The following UQCRH variants were observed in gnomAD, a reference collection of about 807,000 sequenced individuals.
UQCRH encodes the protein cytochrome b-c1 complex subunit 6, mitochondrial.
In UQCRH, 14 loss-of-function variants were observed where a neutral mutation model predicts 16.3. The ratio of observed to expected loss-of-function variants is 0.86; its 90% confidence interval spans 0.57 to 1.34. UQCRH has a LOEUF of 1.34. Among genes scored for constraint, UQCRH ranks in the 40% most tolerant of loss-of-function variants. The pLI is 0.00. For synonymous variants in UQCRH, 41 were observed against 41.9 expected, an observed-to-expected ratio of 0.98 and a Z score of 0.08; for missense variants, 89 against 111.9, an observed-to-expected ratio of 0.80 and a Z score of 0.92.
chr1:46,303,908 C>A lies in UQCRH; in HGVS notation c.54+88C>A. On this transcript the variant is annotated intron_variant, in intron 1 of 3. Transcript: ENST00000311672. ...AAACACGCACGGGGCCCTCTTAGCC[C>A]CCAGTTTACCCTCTAGGGTTTGCAT... 2.6e-6 allele frequency: 4 copies of A among 1,564,626 alleles called. No individual in the cohort carries two copies. The South Asian group carries it at 4.5e-5, about 18-fold the overall frequency.
Position 46,316,691 on chromosome 1 carries a change from A to T in UQCRH, c.*107A>T. On this transcript the variant is annotated 3_prime_UTR_variant, in exon 4 of 4. Coordinates refer to ENST00000311672, the MANE Select transcript of UQCRH (RefSeq NM_006004.4). The stretch of plus-strand genomic sequence containing the variant: ...CTTATTTGTGTAACTGTAAGTTCAC[A>T]TGAACCTCATGGGTTTGGCTTAGGC... The T allele has an allele frequency of 6.5e-7, 1 of 1,540,492 alleles. No individual in the cohort carries two copies. The highest frequency in any genetic ancestry group is 8.8e-7 in the Non-Finnish European group (1 of 1,133,358).
At position 46,310,642 on chromosome 1, in the gene UQCRH, A is replaced by AT. The variant is rs756679876; in HGVS notation, c.243+332dup. 9.7e-4 allele frequency among the ~76,000 whole-genome samples: 148 copies of AT among 151,868 alleles called. 2 individuals are homozygous for AT. Among genetic ancestry groups the AT allele is most frequent in the Non-Finnish European group, 1.9e-3 (129 of 67,916 alleles). On this transcript the variant is annotated intron_variant, in intron 3 of 3. Coordinates refer to ENST00000311672, the MANE Select transcript of UQCRH (RefSeq NM_006004.4). ...TGAGAGGCTAATTTTTTATTTTTTAATTTTTTCTAGTGACGGGGCCTTGTT... is the reference window on the plus strand; with the variant it reads ...TGAGAGGCTAATTTTTTATTTTTTAATTTTTTTCTAGTGACGGGGCCTTGTT...
chr1:46,308,315 C>T (rs1453325454), intron 1 of UQCRH, among the ~76,000 whole-genome samples: 2 of 152,172 alleles, frequency 1.3e-5, no homozygotes, highest in Admixed American at 1.3e-4. Context: ...AGTGTCTGAG[C>T]TCGTCAGGAG....
chr1:46,308,582 AT>A (rs2148334003), intron 1 of UQCRH, among the ~76,000 whole-genome samples: 1 of 152,308 alleles, frequency 6.6e-6, no homozygotes, highest in Non-Finnish European at 1.5e-5. Context: ...AATGCCTATA[AT>A]CCCACCACTT....
chr1:46,315,705 A>G (rs1461313044), intron 3 of UQCRH, among the ~76,000 whole-genome samples: 4 of 152,138 alleles, frequency 2.6e-5, no homozygotes, highest in Non-Finnish European at 4.4e-5. Flanking sequence ...TGAACATGCT[A>G]CAACCTGGAT....
intron 2 of UQCRH, 152 bp from the exon 3 acceptor site, chr1:46,310,003 T>C: frequency 6.7e-7 from 1 of 1,496,944 alleles, no homozygotes; most frequent in Non-Finnish European, 8.9e-7. Context: ...CATTCTGCCA[T>C]TTCTGGCGGC....
intron 3 of UQCRH, 99 bp downstream of exon 3, chr1:46,310,415 T>C (rs1164368840): frequency 6.5e-7 from 1 of 1,547,722 alleles, no homozygotes; most frequent in Non-Finnish European, 8.8e-7. Context: ...CATCAGTTAC[T>C]CTGGGCCCAA....
Position 46,310,298 on chromosome 1 carries a change from G to C in UQCRH, c.225G>C (p.Leu75Phe), listed in dbSNP as rs531150957. The C allele has an allele frequency of 6.2e-7, 1 of 1,614,104 alleles. No individual in the cohort carries two copies. The highest frequency in any genetic ancestry group is 2.2e-5 in the East Asian group (1 of 44,884). ...EDCTEELFDF[L>F]HARDHCVAHK... ...GCACGGAGGAGCTCTTTGACTTCTT[G>C]CATGCGAGGGACCATTGCGTAAGTC... is the stretch of plus-strand genomic sequence containing the variant. The change falls in exon 3 of 4, where the codon TTG becomes TTC. Residue 75 changes from leucine to phenylalanine, a missense_variant. Leu to Phe is a conservative substitution (Grantham distance 22). Coordinates refer to ENST00000311672, the MANE Select transcript of UQCRH (RefSeq NM_006004.4).
At chr1:46,310,598 C>G (rs1156702312) in intron 3 of UQCRH, among the ~76,000 whole-genome samples, 1 of 152,184 alleles carries the variant, frequency 6.6e-6, no homozygotes, top group African/African-American at 2.4e-5. Context: ...GTAGCTGGGA[C>G]TACAAGTGCA....
chr1:46,312,788 C>T (rs1345879050), intron 3 of UQCRH, among the ~76,000 whole-genome samples: 1 of 152,058 alleles, frequency 6.6e-6, no homozygotes, highest in Non-Finnish European at 1.5e-5. Context: ...ATAAATTATA[C>T]ATAAGCAAAG....
chr1:46,316,502 A>G (rs1661588464), intron 3 of UQCRH, 50 bp from the exon 4 acceptor site: 10 of 1,612,998 alleles, frequency 6.2e-6, no homozygotes, highest in Admixed American at 1.7e-5. Flanking sequence ...CTTGTAAGCC[A>G]TGACATTAAA....
chr1:46,311,053 C>T (rs1557724979), intron 3 of UQCRH, among the ~76,000 whole-genome samples: 2 of 148,444 alleles, frequency 1.3e-5, no homozygotes, highest in Non-Finnish European at 3.0e-5. Context: ...CTGGCCTGGG[C>T]GACAGAGCGA....
At chr1:46,305,676 G>A (rs1460660517) in intron 1 of UQCRH, among the ~76,000 whole-genome samples, 1 of 151,516 alleles carries the variant, frequency 6.6e-6, no homozygotes, top group Non-Finnish European at 1.5e-5. Flanking sequence ...GCGTCAACCC[G>A]AGAGGCGAAG....
intron 3 of UQCRH, among the ~76,000 whole-genome samples, chr1:46,310,555 C>T (rs1466758978): frequency 6.6e-6 from 1 of 152,172 alleles, no homozygotes; most frequent in African/African-American, 2.4e-5. Context: ...CCTTGAACTC[C>T]TGGGCCTAAG....
chr1:46,316,216 G>A (rs1011456370), intron 3 of UQCRH, among the ~76,000 whole-genome samples: 2 of 152,122 alleles, frequency 1.3e-5, no homozygotes, highest in African/African-American at 4.8e-5. Context: ...ACACTACCTG[G>A]CATATAGGAG....
At chr1:46,309,891 T>C (rs1661436605) in intron 2 of UQCRH, 3 of 1,383,662 alleles carry the variant, frequency 2.2e-6, no homozygotes, top group Non-Finnish European at 1.9e-6. Flanking sequence ...CCACCTTGTT[T>C]TTCAGATAGG....
Position 46,314,380 on chromosome 1 carries a change from A to G in UQCRH, c.244-2172A>G, listed in dbSNP as rs927391959. ...ACTCCGTCTCAAAAAAAAAAAAAAA[A>G]AGAGAAGGGGCTGGGCATAGCAGCT... On this transcript the variant is annotated intron_variant, in intron 3 of 3. Transcript: ENST00000311672. Among the ~76,000 whole-genome samples, 40 of 151,222 alleles carry G rather than the reference A, an allele frequency of 2.6e-4. 1 individual carries two copies. The South Asian group carries it at 5.0e-3, about 19-fold the overall frequency.
rs546438147 is a variant in UQCRH, at chr1:46,311,863, C to G, written c.243+1547C>G. ...CAAGATGGTCTCAGTCTCCTGACCC[C>G]TGTGATCCACCTGCCTCAGCCTTCC... On this transcript the variant is annotated intron_variant, in intron 3 of 3. Transcript: ENST00000311672. Among the ~76,000 whole-genome samples the G allele has an allele frequency of 5.3e-4, 81 of 151,802 alleles. 1 individual carries two copies. The highest frequency in any genetic ancestry group is 1.9e-3 in the African/African-American group (77 of 41,360).
intron 2 of UQCRH, 189 bp downstream of exon 2, chr1:46,309,316 T>C: frequency 1.6e-6 from 1 of 616,670 alleles, no homozygotes; most frequent in Non-Finnish European, 2.7e-6. Context: ...GTTCTGGGTT[T>C]GGGGCTTCTT....
Sources: gnomAD v4.1 joint callset for allele counts (sites outside exome capture counted in the v4.1 genomes callset) on GRCh38, gnomAD v4.1.1 for gene constraint, MANE v1.5 for transcripts, NCBI Gene and HGNC (gene_info 2026-07-23, HGNC 2026-07-21) for gene names.